Variants in MAN1A2 observed in about 807,000 individuals in gnomAD.
The protein encoded by MAN1A2 is mannosidase alpha class 1A member 2, also known as mannosyl-oligosaccharide 1,2-alpha-mannosidase IB.
MAN1A2 carries 26 observed loss-of-function variants against 75.7 expected under a neutral mutation model. That is an observed-to-expected ratio of 0.34 (90% CI 0.25 to 0.48). The LOEUF is 0.48. Ranked by LOEUF, MAN1A2 falls within the 20% of genes least tolerant of loss-of-function variation. The pLI, the probability that MAN1A2 is intolerant of heterozygous loss-of-function variation, is 0.99. For missense variants in MAN1A2, 562 were observed against 775.5 expected (o/e 0.72, Z 3.27); for synonymous variants, 247 against 264.6 (o/e 0.93, Z 0.65).
chr1:117,411,163 G>T (rs991030291), intron 3 of MAN1A2, among the ~76,000 whole-genome samples: 1 of 151,658 alleles, frequency 6.6e-6, no homozygotes, highest in African/African-American at 2.4e-5. Context: ...AAAAAACCAA[G>T]TTGAAGGATT....
chr1:117,386,821 A>G (rs938711711), intron 1 of MAN1A2, among the ~76,000 whole-genome samples: 10 of 151,734 alleles, frequency 6.6e-5, no homozygotes, highest in African/African-American at 2.4e-4. Context: ...ATTTCCACGT[A>G]ATCGGGAGGA....
intron 3 of MAN1A2, among the ~76,000 whole-genome samples, chr1:117,408,621 C>G (rs533183182): frequency 6.6e-6 from 1 of 152,030 alleles, no homozygotes; most frequent in South Asian, 2.1e-4. Context: ...TTATCTTTGT[C>G]TTGTTTTGAT....
intron 5 of MAN1A2, among the ~76,000 whole-genome samples, chr1:117,432,677 A>C (rs1457485331): frequency 6.6e-6 from 1 of 152,132 alleles, no homozygotes; most frequent in South Asian, 2.1e-4. Context: ...GAATTATATC[A>C]AATAAGAAAG....
chr1:117,505,907 A>G (rs1557977703), intron 12 of MAN1A2, among the ~76,000 whole-genome samples: 3 of 151,402 alleles, frequency 2.0e-5, no homozygotes, highest in African/African-American at 4.8e-5. Flanking sequence ...GTTCAACCTA[A>G]TACATAATGG....
chr1:117,405,722 C>G, intron 3 of MAN1A2, 77 bp downstream of exon 3: 5 of 873,526 alleles, frequency 5.7e-6, no homozygotes, highest in Non-Finnish European at 9.6e-6. Context: ...TTTCAAAGTA[C>G]TTTCTAAAAT....
intron 1 of MAN1A2, among the ~76,000 whole-genome samples, chr1:117,389,992 A>G (rs1190048637): frequency 6.6e-6 from 1 of 152,176 alleles, no homozygotes; most frequent in East Asian, 1.9e-4. Flanking sequence ...CTTTTAATGT[A>G]GCAAGTTGTT....
At chr1:117,435,422 A>G (rs928804236) in intron 5 of MAN1A2, among the ~76,000 whole-genome samples, 1 of 152,222 alleles carries the variant, frequency 6.6e-6, no homozygotes, top group African/African-American at 2.4e-5. Context: ...GCTTTTGCTC[A>G]CATGTGTGGT....
At chr1:117,490,827 G>A (rs902467414) in intron 8 of MAN1A2, among the ~76,000 whole-genome samples, 1 of 152,044 alleles carries the variant, frequency 6.6e-6, no homozygotes, top group Non-Finnish European at 1.5e-5. Flanking sequence ...AAACAAAATA[G>A]CCATATTGCA....
chr1:117,433,052 CAAT>C (rs1217214601), intron 5 of MAN1A2, among the ~76,000 whole-genome samples: 2 of 150,772 alleles, frequency 1.3e-5, no homozygotes, highest in African/African-American at 2.4e-5. Flanking sequence ...TATTAATTAA[CAAT>C]AAAGGAGAAA....
chr1:117,525,206 A>G lies in MAN1A2; in HGVS notation c.*2249A>G, dbSNP rs1331730237. The G allele has an allele frequency of 2.0e-6, 1 of 489,764 alleles. No homozygotes were observed. The highest frequency in any genetic ancestry group is 5.9e-5 in the East Asian group (1 of 16,850). 30.3% of individuals were successfully genotyped at this position (489,764 alleles called of 1,614,324 possible). ...GTATACAAGCAGAGCCAGTTCTGGT[A>G]CAAACAAAGAATTTGACAGGGACAA... On this transcript the variant is annotated 3_prime_UTR_variant, in exon 13 of 13. Transcript: ENST00000356554.
intron 4 of MAN1A2, among the ~76,000 whole-genome samples, chr1:117,415,194 T>G (rs1647950244): frequency 6.6e-6 from 1 of 152,062 alleles, no homozygotes; most frequent in Non-Finnish European, 1.5e-5. Flanking sequence ...GTGTGCGACT[T>G]GAGAAAGTTC....
intron 12 of MAN1A2, chr1:117,515,576 C>G (rs1278391439): frequency 1.3e-5 from 2 of 151,920 alleles, no homozygotes; most frequent in African/African-American, 4.8e-5. Context: ...GAAAAAATAC[C>G]TTTAAAAAAA....
At chr1:117,393,304 C>T (rs916152416) in intron 1 of MAN1A2, among the ~76,000 whole-genome samples, 1 of 152,038 alleles carries the variant, frequency 6.6e-6, no homozygotes, top group African/African-American at 2.4e-5. Flanking sequence ...GAAGGTGTGG[C>T]ATTTCTTTTA....
intron 6 of MAN1A2, among the ~76,000 whole-genome samples, chr1:117,445,980 CAT>C (rs1166381816): frequency 2.1e-5 from 3 of 145,118 alleles, no homozygotes; most frequent in Admixed American, 1.4e-4. Flanking sequence ...GATATATAAA[CAT>C]ATATCTTATA....
intron 8 of MAN1A2, among the ~76,000 whole-genome samples, chr1:117,470,874 A>G (rs1412305561): frequency 1.3e-5 from 2 of 152,026 alleles, no homozygotes; most frequent in African/African-American, 2.4e-5. Context: ...GGCTAACTGT[A>G]TTATAATTAG....
intron 11 of MAN1A2, among the ~76,000 whole-genome samples, chr1:117,500,879 C>T (rs984581621): frequency 2.6e-5 from 4 of 151,602 alleles, no homozygotes; most frequent in Non-Finnish European, 4.4e-5. Context: ...CTAATGCTTC[C>T]GTAAATTAAG....
intron 6 of MAN1A2, among the ~76,000 whole-genome samples, chr1:117,458,498 T>TATAG (rs1649678597): frequency 2.2e-5 from 2 of 89,388 alleles, no homozygotes; most frequent in South Asian, 7.3e-4. Context: ...TATATATATC[T>TATAG]ATATATATAT....
At chr1:117,400,932 G>A (rs1037707648) in intron 1 of MAN1A2, among the ~76,000 whole-genome samples, 2 of 151,790 alleles carry the variant, frequency 1.3e-5, no homozygotes, top group African/African-American at 4.8e-5. Flanking sequence ...TCATATTGTT[G>A]TACAACCATC....
chr1:117,420,443 G>T, intron 4 of MAN1A2, 126 bp from the exon 5 acceptor site: 1 of 672,966 alleles, frequency 1.5e-6, no homozygotes, highest in Non-Finnish European at 2.6e-6. Context: ...CATGAGAAAT[G>T]AAGATGCAGA....
Sources: allele counts gnomAD v4.1 joint callset (sites outside exome capture counted in the v4.1 genomes callset), GRCh38; gene constraint gnomAD v4.1.1; transcripts MANE v1.5; gene names NCBI Gene and HGNC (gene_info 2026-07-23, HGNC 2026-07-21).